Variants in C6orf118 observed in about 807,000 individuals in gnomAD.
C6orf118 encodes uncharacterized protein C6orf118.
In C6orf118, 50 loss-of-function variants were observed where a neutral mutation model predicts 50.2. The ratio of observed to expected loss-of-function variants is 1.00; its 90% CI spans 0.79 to 1.26. The LOEUF (loss-of-function observed/expected upper bound fraction) is 1.26. C6orf118 is among the 50% of genes most tolerant of loss of function. C6orf118 has a pLI of 0.00. For synonymous variants in C6orf118, 239 were observed against 230.9 expected, an observed-to-expected ratio of 1.03 and a Z score of -0.32; for missense variants, 641 against 578.7, an observed-to-expected ratio of 1.11 and a Z score of -1.10.
At chr6:165,286,466 A>G (rs1352347611) in intron 7 of C6orf118, among the ~76,000 whole-genome samples, 3 of 152,148 alleles carry the variant, frequency 2.0e-5, no homozygotes. Context: ...CCTGGAAAAG[A>G]TACAACAAAA....
Position 165,279,876 on chromosome 6 carries a change from G to T in C6orf118, c.*181C>A. 1 of 512,038 alleles carries T rather than the reference G, an allele frequency of 2.0e-6. No individual in the cohort carries two copies. The allele number at this position is 512,038 out of a possible 1,614,324, so 31.7% of individuals were successfully genotyped here. A position where few individuals can be genotyped will look rare whatever the true frequency, so the allele number is the denominator to read the frequency against. ...TATGTATGCAACAGAAACTAATCATGTGTACGCATGTGTGTATTTCAGTAT... is the reference window on the plus strand; with the variant it reads ...TATGTATGCAACAGAAACTAATCATTTGTACGCATGTGTGTATTTCAGTAT... On this transcript the variant is annotated 3_prime_UTR_variant, in exon 9 of 9. Transcript: ENST00000230301.
At chr6:165,302,708 TG>T (rs1193034655) in intron 1 of C6orf118, among the ~76,000 whole-genome samples, 1 of 152,156 alleles carries the variant, frequency 6.6e-6, no homozygotes, top group Non-Finnish European at 1.5e-5. Context: ...AGAAAGGGTT[TG>T]GGGGGTATTC....
chr6:165,280,207 C>G, intron 8 of C6orf118, 97 bp from the exon 9 acceptor site: 5 of 801,858 alleles, frequency 6.2e-6, no homozygotes, highest in Non-Finnish European at 9.9e-6. Flanking sequence ...GACACATTTA[C>G]CCAAAAACAG....
intron 7 of C6orf118, among the ~76,000 whole-genome samples, chr6:165,286,973 G>T (rs1562323392): frequency 6.6e-6 from 1 of 152,122 alleles, no homozygotes. Flanking sequence ...GAAATAGGAA[G>T]AGAGGAAGTT....
intron 1 of C6orf118, among the ~76,000 whole-genome samples, chr6:165,306,558 A>G (rs913738222): frequency 2.2e-4 from 32 of 143,114 alleles, no homozygotes; most frequent in Non-Finnish European, 4.7e-4. Context: ...AAAAAAAAAA[A>G]AAAGAAATGA....
chr6:165,293,322 A>G (rs895252254), intron 6 of C6orf118, 91 bp downstream of exon 6: 3 of 1,163,956 alleles, frequency 2.6e-6, no homozygotes, highest in Admixed American at 1.7e-5. Flanking sequence ...GCATCTTCCA[A>G]GTTGACAGAC....
At chr6:165,281,742 G>T in intron 7 of C6orf118, 49 bp from the exon 8 acceptor site, 1 of 1,202,442 alleles carries the variant, frequency 8.3e-7, no homozygotes, top group Non-Finnish European at 1.1e-6. Flanking sequence ...AAAAATATTT[G>T]TTAATTATTT....
intron 4 of C6orf118, among the ~76,000 whole-genome samples, chr6:165,298,674 A>G (rs888994466): frequency 1.3e-5 from 2 of 152,220 alleles, no homozygotes; most frequent in African/African-American, 4.8e-5. Context: ...CGTAAGGAAC[A>G]AGGTAAATTC....
intron 5 of C6orf118, among the ~76,000 whole-genome samples, chr6:165,295,235 T>C (rs9457064): frequency 0.073 from 11,100 of 152,238 alleles, 1,358 homozygotes; most frequent in African/African-American, 0.25. Context: ...TGACCTATGA[T>C]ATAATTTTGA....
At chr6:165,281,224 C>T (rs1249408596) in intron 8 of C6orf118, among the ~76,000 whole-genome samples, 2 of 152,106 alleles carry the variant, frequency 1.3e-5, no homozygotes, top group Non-Finnish European at 2.9e-5. Flanking sequence ...GATTCCTGCC[C>T]ATGTGAATTC....
At chr6:165,302,537 G>A (rs9459359) in intron 1 of C6orf118, among the ~76,000 whole-genome samples, 2 of 152,222 alleles carry the variant, frequency 1.3e-5, no homozygotes, top group African/African-American at 4.8e-5. Flanking sequence ...GCTCAGGACC[G>A]TCAAAGCCAA....
intron 7 of C6orf118, among the ~76,000 whole-genome samples, chr6:165,285,296 A>C (rs554646246): frequency 6.6e-6 from 1 of 152,204 alleles, no homozygotes; most frequent in African/African-American, 2.4e-5. Context: ...CCAGTATAAG[A>C]GCACCCAGAT....
Position 165,301,974 on chromosome 6 carries a change from C to T in C6orf118, c.348G>A (p.Thr116=), listed in dbSNP as rs141207584. 64 of 1,613,736 alleles carry T rather than the reference C, an allele frequency of 4.0e-5. 1 individual carries two copies. The African/African-American group carries it at 5.2e-4, about 13-fold the overall frequency. The part of the protein sequence containing the change: ...KEALAHFTIH[T]ALVPSEAQDT... ...CCTGGGCCTCACTGGGGACCAGGGC[C>T]GTGTGGATGGTGAAGTGGGCCAGGG... Residue 116 remains threonine, a synonymous_variant, in exon 2 of 9, where the codon ACG becomes ACA. Transcript: ENST00000230301.
At chr6:165,285,569 A>G (rs1779874478) in intron 7 of C6orf118, among the ~76,000 whole-genome samples, 1 of 152,150 alleles carries the variant, frequency 6.6e-6, no homozygotes, top group South Asian at 2.1e-4. Context: ...CTCCTCAGCA[A>G]TAACAAACAG....
In C6orf118 at chr6:165,298,079, G is replaced by T. The variant is rs372984897; in HGVS notation, c.959C>A (p.Ala320Glu). 4.4e-6 allele frequency: 7 copies of T among 1,607,126 alleles called. No individual in the cohort carries two copies. In the East Asian group the frequency reaches 1.6e-4, roughly 36 times the overall value. The change falls in exon 5 of 9, where the codon GCG becomes GAG. Residue 320 changes from alanine (A) to glutamate (E), a missense_variant. Transcript: ENST00000230301. ...QYEALLAQLKALGQRPVKTAD... is the reference protein window; with the variant it reads ...QYEALLAQLKELGQRPVKTAD... The stretch of plus-strand genomic sequence containing the variant: ...CGTCTTCACCGGCCTCTGCCCCAGC[G>T]CCTTGAGTTGAGCCAGAAGAGCCTA...
chr6:165,295,812 A>G (rs970432944), intron 5 of C6orf118, among the ~76,000 whole-genome samples: 8 of 152,068 alleles, frequency 5.3e-5, no homozygotes, highest in African/African-American at 1.9e-4. Flanking sequence ...TTCACTGGAC[A>G]TTTCTAAAGG....
chr6:165,309,160 C>T (rs1299062692), intron 1 of C6orf118, among the ~76,000 whole-genome samples: 1 of 152,240 alleles, frequency 6.6e-6, no homozygotes, highest in Non-Finnish European at 1.5e-5. Context: ...TTTATAGGAG[C>T]GCGGAAAGGC....
chr6:165,290,790 G>C (rs1780080611), intron 6 of C6orf118, among the ~76,000 whole-genome samples: 1 of 152,152 alleles, frequency 6.6e-6, no homozygotes, highest in Non-Finnish European at 1.5e-5. Context: ...CACACAGGTT[G>C]ATCGGGTCAG....
intron 1 of C6orf118, among the ~76,000 whole-genome samples, chr6:165,307,491 G>A (rs1412030622): frequency 1.3e-5 from 2 of 151,746 alleles, no homozygotes; most frequent in Non-Finnish European, 2.9e-5. Context: ...CTGGGAGGTG[G>A]AGGTTGCAGT....
Sources: gnomAD v4.1 joint callset for allele counts (sites outside exome capture counted in the v4.1 genomes callset) on GRCh38, gnomAD v4.1.1 for gene constraint, MANE v1.5 for transcripts, NCBI Gene and HGNC (gene_info 2026-07-23, HGNC 2026-07-21) for gene names.